MAGI2: variants seen among roughly 807,000 people sequenced by gnomAD.
MAGI2 encodes membrane-associated guanylate kinase, WW and PDZ domain-containing protein 2.
MAGI2 carries 35 observed loss-of-function variants against 133.3 expected under a neutral mutation model. That is an observed-to-expected ratio of 0.26 (90% CI 0.20 to 0.35). The LOEUF (loss-of-function observed/expected upper bound fraction) is 0.35, where lower values mean the gene tolerates loss of function less well. Among genes scored for constraint, MAGI2 ranks in the 10% least tolerant of loss-of-function variants. MAGI2 has a pLI of 1.00. For synonymous variants in MAGI2, 729 were observed against 710.6 expected (o/e 1.03, Z -0.41); for missense variants, 1,636 against 1,863.4 (o/e 0.88, Z 2.25).
chr7:78,374,613 A>C (rs1282829034), intron 6 of MAGI2, among the ~76,000 whole-genome samples: 1 of 151,680 alleles, frequency 6.6e-6, no homozygotes, highest in Non-Finnish European at 1.5e-5. Flanking sequence ...TGAGAACTTG[A>C]AGTTGGTTTG....
At chr7:78,294,083 A>AG (rs1554330877) in intron 9 of MAGI2, among the ~76,000 whole-genome samples, 1 of 151,992 alleles carries the variant, frequency 6.6e-6, no homozygotes, top group African/African-American at 2.4e-5. Flanking sequence ...ATAATAAAAA[A>AG]ATATATATAA....
chr7:79,127,280 T>C (rs1189799652), intron 1 of MAGI2, among the ~76,000 whole-genome samples: 4 of 152,194 alleles, frequency 2.6e-5, no homozygotes, highest in Non-Finnish European at 4.4e-5. Flanking sequence ...TGTGTCTTTA[T>C]AGCACATGAT....
chr7:78,980,609 A>C (rs1804696687), intron 2 of MAGI2, among the ~76,000 whole-genome samples: 1 of 151,810 alleles, frequency 6.6e-6, no homozygotes, highest in East Asian at 1.9e-4. Context: ...TTATATTTAA[A>C]CATCTCAAAG....
At chr7:78,950,202 C>T (rs1441181018) in intron 2 of MAGI2, among the ~76,000 whole-genome samples, 1 of 152,138 alleles carries the variant, frequency 6.6e-6, no homozygotes, top group African/African-American at 2.4e-5. Context: ...TCACCTAATA[C>T]ATTTGTTGTA....
At chr7:78,387,400 A>G (rs1262895615) in intron 6 of MAGI2, among the ~76,000 whole-genome samples, 2 of 152,204 alleles carry the variant, frequency 1.3e-5, no homozygotes, top group Non-Finnish European at 2.9e-5. Context: ...ACCATAGGAT[A>G]CCTATTCCTT....
intron 2 of MAGI2, among the ~76,000 whole-genome samples, chr7:78,697,304 T>C (rs374361874): frequency 6.6e-6 from 1 of 152,178 alleles, no homozygotes; most frequent in Non-Finnish European, 1.5e-5. Context: ...GTCTGGCTTA[T>C]TGAGGCTTGG....
At chr7:79,056,200 T>C (rs1481605454) in intron 1 of MAGI2, among the ~76,000 whole-genome samples, 1 of 151,672 alleles carries the variant, frequency 6.6e-6, no homozygotes, top group African/African-American at 2.4e-5. Flanking sequence ...TCAAGACCAG[T>C]CTGGTGAGAT....
At chr7:78,951,702 C>T (rs1181978187) in intron 2 of MAGI2, among the ~76,000 whole-genome samples, 2 of 152,098 alleles carry the variant, frequency 1.3e-5, no homozygotes, top group Admixed American at 6.6e-5. Flanking sequence ...CTTAACTTTC[C>T]CCTTTATCTC....
intron 6 of MAGI2, among the ~76,000 whole-genome samples, chr7:78,433,287 G>A (rs889556577): frequency 2.6e-5 from 4 of 152,020 alleles, no homozygotes; most frequent in African/African-American, 9.7e-5. Context: ...TGGGGGAAAT[G>A]AGTGGCTATT....
intron 1 of MAGI2, among the ~76,000 whole-genome samples, chr7:79,211,795 G>C (rs1829519756): frequency 6.6e-6 from 1 of 151,964 alleles, no homozygotes; most frequent in Admixed American, 6.6e-5. Flanking sequence ...GGGTGGCGAG[G>C]GCTATTATCA....
chr7:78,475,423 T>G (rs919124864), intron 6 of MAGI2, among the ~76,000 whole-genome samples: 26 of 151,930 alleles, frequency 1.7e-4, no homozygotes, highest in African/African-American at 6.3e-4. Context: ...ACATATTTTA[T>G]TAAGTATAAG....
intron 15 of MAGI2, among the ~76,000 whole-genome samples, chr7:78,160,759 G>GTTTCAAGGC (rs1232112908): frequency 2.0e-5 from 3 of 152,212 alleles, no homozygotes; most frequent in Middle Eastern, 3.2e-3. Flanking sequence ...TCTGCATCAA[G>GTTTCAAGGC]TTTCAAGGCT....
chr7:78,571,535 G>A (rs1801500038), intron 3 of MAGI2, among the ~76,000 whole-genome samples: 1 of 152,076 alleles, frequency 6.6e-6, no homozygotes, highest in Non-Finnish European at 1.5e-5. Context: ...TCTTATATCT[G>A]CAAAGTACTT....
chr7:78,664,897 A>G (rs1020556614), intron 2 of MAGI2, among the ~76,000 whole-genome samples: 5 of 152,028 alleles, frequency 3.3e-5, no homozygotes, highest in African/African-American at 7.2e-5. Flanking sequence ...AAAAAACAAA[A>G]CAATCACTCA....
At chr7:78,121,017 A>AAAT (rs1249308062) in intron 20 of MAGI2, among the ~76,000 whole-genome samples, 8 of 150,568 alleles carry the variant, frequency 5.3e-5, no homozygotes, top group Non-Finnish European at 8.9e-5. Context: ...AAAAAAAAAA[A>AAAT]AAAATAATGA....
At chr7:79,124,852 C>T in intron 1 of MAGI2, 1 of 214,022 alleles carries the variant, frequency 4.7e-6, no homozygotes, top group Non-Finnish European at 9.4e-6. Flanking sequence ...GGGGAATGCT[C>T]ATGGGTTGTG....
intron 19 of MAGI2, 117 bp from the exon 20 acceptor site, chr7:78,125,954 G>T: frequency 1.9e-6 from 2 of 1,061,548 alleles, no homozygotes; most frequent in Non-Finnish European, 2.7e-6. Context: ...ATGACATGAT[G>T]TTGGGAGAAG....
chr7:78,587,116 G>A (rs1007317832), intron 3 of MAGI2, among the ~76,000 whole-genome samples: 5 of 152,044 alleles, frequency 3.3e-5, no homozygotes, highest in Admixed American at 3.3e-4. Context: ...TTGCTGGATT[G>A]TTTGACAGTT....
intron 6 of MAGI2, among the ~76,000 whole-genome samples, chr7:78,378,208 T>A (rs1007341303): frequency 5.9e-5 from 9 of 151,788 alleles, no homozygotes; most frequent in Non-Finnish European, 7.4e-5. Context: ...GCCAAGAGAA[T>A]GTAAATGAAA....
Sources: gnomAD v4.1 joint callset for allele counts (sites outside exome capture counted in the v4.1 genomes callset) on GRCh38, gnomAD v4.1.1 for gene constraint, MANE v1.5 for transcripts, NCBI Gene and HGNC (gene_info 2026-07-23, HGNC 2026-07-21) for gene names.